Variants in ARHGAP20 observed in about 807,000 individuals in gnomAD.
ARHGAP20 encodes Rho GTPase activating protein 20.
Under a neutral mutation model 73.7 loss-of-function variants are expected in ARHGAP20, and 34 were observed. The ratio of observed to expected loss-of-function variants is 0.46; its 90% CI spans 0.35 to 0.61. The LOEUF (loss-of-function observed/expected upper bound fraction) is 0.61, where lower values mean the gene tolerates loss of function less well. Ranked by LOEUF, ARHGAP20 falls within the 20% of genes least tolerant of loss-of-function variation. ARHGAP20 has a pLI of 0.00. For synonymous variants in ARHGAP20, 523 were observed against 518.2 expected (o/e 1.01, Z -0.13); for missense variants, 1,314 against 1,420.9 (o/e 0.92, Z 1.21).
chr11:110,619,474 A>C (rs746156028), intron 4 of ARHGAP20, among the ~76,000 whole-genome samples: 1 of 151,652 alleles, frequency 6.6e-6, no homozygotes, highest in African/African-American at 2.4e-5. Context: ...ATATGTAGTG[A>C]TAGAGTATAT....
At chr11:110,593,840 G>C (rs961377724) in intron 9 of ARHGAP20, among the ~76,000 whole-genome samples, 2 of 152,240 alleles carry the variant, frequency 1.3e-5, no homozygotes, top group African/African-American at 4.8e-5. Flanking sequence ...GATTTGAGGA[G>C]CCATAATGCC....
At chr11:110,581,358 T>A in intron 14 of ARHGAP20, 133 bp from the exon 15 acceptor site, 1 of 1,032,672 alleles carries the variant, frequency 9.7e-7, no homozygotes, top group Non-Finnish European at 1.3e-6. Context: ...TCTTTCACAA[T>A]CTCAATTGTT....
rs550449378 is a variant in ARHGAP20, at chr11:110,602,520, G to A, written c.964+4041C>T. 3.1e-3 allele frequency among the ~76,000 whole-genome samples: 471 copies of A among 152,238 alleles called. 3 individuals carry two copies. Among genetic ancestry groups the A allele is most frequent in the Non-Finnish European group, 5.3e-3 (360 of 68,008 alleles). The stretch of plus-strand genomic sequence containing the variant: ...AGAATTCCCTCACAAAAATAAAAAT[G>A]AGGCTACAATAAAAGTTAAGTTTCT... On this transcript the variant is annotated intron_variant, in intron 9 of 14. Coordinates refer to ENST00000683387, the MANE Select transcript of ARHGAP20 (RefSeq NM_001384657.1).
intron 2 of ARHGAP20, among the ~76,000 whole-genome samples, chr11:110,658,949 T>A (rs1043940618): frequency 5.3e-5 from 8 of 152,176 alleles, no homozygotes; most frequent in African/African-American, 1.4e-4. Flanking sequence ...TAATCACTTC[T>A]AAGTAATTTA....
chr11:110,689,542 T>C (rs914975818), intron 2 of ARHGAP20, among the ~76,000 whole-genome samples: 5 of 152,142 alleles, frequency 3.3e-5, no homozygotes, highest in Admixed American at 6.5e-5. Flanking sequence ...AATAAAATAA[T>C]AATGACTATT....
chr11:110,690,997 A>G, intron 1 of ARHGAP20: 5 of 1,528,202 alleles, frequency 3.3e-6, no homozygotes, highest in Non-Finnish European at 4.4e-6. Flanking sequence ...CCAAAATGTC[A>G]TCCGGGTAGA....
chr11:110,630,107 T>G (rs1052971077), intron 3 of ARHGAP20, among the ~76,000 whole-genome samples: 1 of 152,192 alleles, frequency 6.6e-6, no homozygotes, highest in Admixed American at 6.5e-5. Flanking sequence ...TTTTAATTCC[T>G]CCAAGTGCTA....
At chr11:110,680,865 T>C (rs1439252471) in intron 2 of ARHGAP20, among the ~76,000 whole-genome samples, 3 of 152,202 alleles carry the variant, frequency 2.0e-5, no homozygotes, top group African/African-American at 7.2e-5. Flanking sequence ...TGGAAACCTT[T>C]TGTCTAACAA....
chr11:110,581,357 A>C (rs943422450), intron 14 of ARHGAP20, 132 bp from the exon 15 acceptor site: 47 of 1,037,114 alleles, frequency 4.5e-5, no homozygotes, highest in Non-Finnish European at 6.2e-5. Context: ...ATCTTTCACA[A>C]TCTCAATTGT....
At chr11:110,658,245 C>T (rs568340056) in intron 2 of ARHGAP20, among the ~76,000 whole-genome samples, 1 of 152,162 alleles carries the variant, frequency 6.6e-6, no homozygotes, top group Non-Finnish European at 1.5e-5. Context: ...GTGCTGAATA[C>T]ATAATGGCTG....
intron 9 of ARHGAP20, among the ~76,000 whole-genome samples, chr11:110,595,264 A>T (rs1336454694): frequency 6.6e-6 from 1 of 152,180 alleles, no homozygotes; most frequent in Non-Finnish European, 1.5e-5. Context: ...CACCACTCCT[A>T]TTCAACATAG....
intron 1 of ARHGAP20, among the ~76,000 whole-genome samples, chr11:110,700,696 G>A (rs1331900562): frequency 2.7e-5 from 4 of 150,462 alleles, no homozygotes; most frequent in Non-Finnish European, 5.9e-5. Context: ...CCACTAACTT[G>A]TCATCTAGCA....
intron 9 of ARHGAP20, 86 bp downstream of exon 9, chr11:110,606,475 A>G: frequency 7.3e-7 from 1 of 1,371,908 alleles, no homozygotes; most frequent in East Asian, 2.4e-5. Flanking sequence ...CCAAGAAAAA[A>G]TACCTCATCT....
chr11:110,638,976 T>C (rs1949025223), intron 2 of ARHGAP20, among the ~76,000 whole-genome samples: 1 of 152,062 alleles, frequency 6.6e-6, no homozygotes, highest in Non-Finnish European at 1.5e-5. Context: ...GTTGTGCACA[T>C]GTACCCTAAA....
intron 2 of ARHGAP20, among the ~76,000 whole-genome samples, chr11:110,676,143 C>G (rs1040576190): frequency 2.0e-4 from 30 of 152,300 alleles, no homozygotes; most frequent in African/African-American, 7.2e-4. Context: ...TATACACTTT[C>G]AGCATTTTTC....
At chr11:110,669,075 G>T (rs576261961) in intron 2 of ARHGAP20, among the ~76,000 whole-genome samples, 1 of 152,102 alleles carries the variant, frequency 6.6e-6, no homozygotes, top group Non-Finnish European at 1.5e-5. Flanking sequence ...AAATTAAATA[G>T]AACACAGAAT....
At chr11:110,622,392 A>G (rs1948648234) in intron 4 of ARHGAP20, among the ~76,000 whole-genome samples, 2 of 152,248 alleles carry the variant, frequency 1.3e-5, no homozygotes, top group African/African-American at 4.8e-5. Context: ...CAAAGATAAT[A>G]TAGAGATTCC....
At chr11:110,600,324 G>T (rs536857345) in intron 9 of ARHGAP20, among the ~76,000 whole-genome samples, 1 of 152,260 alleles carries the variant, frequency 6.6e-6, no homozygotes, top group Non-Finnish European at 1.5e-5. Context: ...GCATCTCCAA[G>T]CTTCTGGGCA....
chr11:110,619,679 T>C (rs1365923847), intron 4 of ARHGAP20, among the ~76,000 whole-genome samples: 2 of 102,334 alleles, frequency 2.0e-5, no homozygotes. Flanking sequence ...TATGCAGTGA[T>C]AGAGTATATG....
Sources: allele counts gnomAD v4.1 joint callset (sites outside exome capture counted in the v4.1 genomes callset), GRCh38; gene constraint gnomAD v4.1.1; transcripts MANE v1.5; gene names NCBI Gene and HGNC (gene_info 2026-07-23, HGNC 2026-07-21).